ADCY8: variants seen among roughly 807,000 people sequenced by gnomAD.
ADCY8 encodes the protein adenylate cyclase type 8.
In ADCY8, 51 loss-of-function variants were observed where a neutral mutation model predicts 119.7. The observed-to-expected ratio is 0.43, with a 90% CI of 0.34 to 0.54. The LOEUF is 0.54. Ranked by LOEUF, ADCY8 falls within the 20% of genes least tolerant of loss-of-function variation. The probability of loss-of-function intolerance (pLI) is 0.03; values close to 1 mark genes in which losing one functional copy is unlikely to be tolerated. For missense variants in ADCY8, 1,383 were observed against 1,598.8 expected (o/e 0.87, Z 2.30); for synonymous variants, 665 against 651.0 (o/e 1.02, Z -0.33).
At chr8:130,934,269 A>G (rs1442721799) in intron 5 of ADCY8, among the ~76,000 whole-genome samples, 1 of 152,242 alleles carries the variant, frequency 6.6e-6, no homozygotes, top group African/African-American at 2.4e-5. Context: ...AAGTAGTTCC[A>G]CGGGCTGTAC....
chr8:130,895,051 A>C (rs1220024918), intron 7 of ADCY8, among the ~76,000 whole-genome samples: 1 of 152,190 alleles, frequency 6.6e-6, no homozygotes, highest in Non-Finnish European at 1.5e-5. Flanking sequence ...AGTGAACACC[A>C]AGAATGATAG....
chr8:130,865,218 A>C (rs912176297), intron 9 of ADCY8, among the ~76,000 whole-genome samples: 1 of 152,006 alleles, frequency 6.6e-6, no homozygotes, highest in East Asian at 1.9e-4. Flanking sequence ...TCAATCTTTT[A>C]AATTTTCTTT....
chr8:130,828,509 C>T (rs767640627), intron 12 of ADCY8, among the ~76,000 whole-genome samples: 48 of 152,136 alleles, frequency 3.2e-4, no homozygotes, highest in Non-Finnish European at 3.1e-4. Flanking sequence ...GACTGGAAAC[C>T]GCATGGTGTT....
chr8:130,952,571 G>A (rs1287803313), intron 2 of ADCY8, among the ~76,000 whole-genome samples: 2 of 152,214 alleles, frequency 1.3e-5, no homozygotes, highest in Non-Finnish European at 2.9e-5. Context: ...GATCTTGCAG[G>A]TGAGCATACA....
intron 1 of ADCY8, among the ~76,000 whole-genome samples, chr8:131,001,506 G>T (rs1245923961): frequency 2.7e-5 from 4 of 150,846 alleles, no homozygotes; most frequent in African/African-American, 9.7e-5. Context: ...ATACAAGTGA[G>T]GTTAATACTA....
Position 130,893,119 on chromosome 8 carries a change from G to A in ADCY8, c.1912-8358C>T, listed in dbSNP as rs1819245348. Among the ~76,000 whole-genome samples, 4 of 152,274 alleles carry A rather than the reference G, an allele frequency of 2.6e-5. No individual in the cohort carries two copies. In the South Asian group the frequency reaches 8.3e-4, roughly 32 times the overall value. ...CAAAAAATGTTGTTAAACTTCTGCA[G>A]AATTGGCGGAAACAGAACTTGGCAC... On this transcript the variant is annotated intron_variant, in intron 7 of 17. Coordinates refer to ENST00000286355, the MANE Select transcript of ADCY8 (RefSeq NM_001115.3).
At chr8:130,791,491 G>A (rs1815424763) in intron 15 of ADCY8, among the ~76,000 whole-genome samples, 1 of 152,270 alleles carries the variant, frequency 6.6e-6, no homozygotes. Context: ...TAAAGGCAAA[G>A]GACTAGCTCT....
chr8:130,997,913 G>A (rs779394125), intron 1 of ADCY8, among the ~76,000 whole-genome samples: 2 of 152,124 alleles, frequency 1.3e-5, no homozygotes, highest in Non-Finnish European at 2.9e-5. Flanking sequence ...GAGTTGATGT[G>A]CTAGGTGTGA....
At chr8:130,803,140 C>A (rs1285230010) in intron 14 of ADCY8, among the ~76,000 whole-genome samples, 2 of 152,214 alleles carry the variant, frequency 1.3e-5, no homozygotes, top group Non-Finnish European at 2.9e-5. Flanking sequence ...GACACAAACC[C>A]TGTTCTATTT....
chr8:130,978,797 A>G (rs372602565), intron 2 of ADCY8, among the ~76,000 whole-genome samples: 4 of 152,362 alleles, frequency 2.6e-5, no homozygotes, highest in East Asian at 3.9e-4. Context: ...TAATGCAGTA[A>G]CCTAATTAGA....
intron 1 of ADCY8, among the ~76,000 whole-genome samples, chr8:131,037,513 G>C (rs1362977627): frequency 6.6e-6 from 1 of 152,126 alleles, no homozygotes; most frequent in Admixed American, 6.5e-5. Flanking sequence ...AAGTTTTCTA[G>C]TTGTGTGTAC....
chr8:130,785,811 G>T (rs1308631946), intron 15 of ADCY8, among the ~76,000 whole-genome samples: 2 of 152,172 alleles, frequency 1.3e-5, no homozygotes, highest in Admixed American at 6.5e-5. Flanking sequence ...ACTGTGACTT[G>T]CAAGGCTTGC....
chr8:131,039,966 C>T lies in ADCY8; in HGVS notation c.368G>A (p.Gly123Asp), dbSNP rs1191952732. Residue 123 changes from glycine to aspartate, a missense_variant, in exon 1 of 18, where the codon GGC becomes GAC. Gly to Asp is a moderately conservative substitution (Grantham distance 94). Around this residue, in one of 2 missense-constraint regions of ADCY8, gnomAD observed 455 missense variants for 435.3 expected, o/e 1.05. Coordinates refer to ENST00000286355, the MANE Select transcript of ADCY8 (RefSeq NM_001115.3). Reference protein sequence around the residue: ...SGSGSASGSGGGGDLGFLHLD... With the variant: ...SGSGSASGSGDGGDLGFLHLD... ...GTGCAGGAAGCCCAGGTCGCCCCCG[C>T]CTCCGCTGCCGCTGGCACTGCCGCT... The T allele has an allele frequency of 2.5e-6, 4 of 1,584,910 alleles. No homozygotes were observed. Among genetic ancestry groups the T allele is most frequent in the South Asian group, 2.3e-5 (2 of 88,268 alleles).
At chr8:131,033,355 A>G (rs1269165706) in intron 1 of ADCY8, among the ~76,000 whole-genome samples, 1 of 152,150 alleles carries the variant, frequency 6.6e-6, no homozygotes, top group Non-Finnish European at 1.5e-5. Flanking sequence ...TTTTAAAAAT[A>G]TTTCATTTTT....
chr8:130,995,090 C>A (rs1822731673), intron 1 of ADCY8, among the ~76,000 whole-genome samples: 1 of 152,154 alleles, frequency 6.6e-6, no homozygotes, highest in African/African-American at 2.4e-5. Flanking sequence ...ATGTGTGAAT[C>A]TGGCAATATC....
rs764356677 is a variant in ADCY8 at position 130,866,662 on chromosome 8, G to A, written c.2210+1184C>T. 4.7e-4 allele frequency among the ~76,000 whole-genome samples: 71 copies of A among 152,136 alleles called. 1 individual carries two copies. The highest frequency in any genetic ancestry group is 4.1e-3 in the Admixed American group (63 of 15,264). ...TTCTGCAAATTTTTCCTTGAGTCAT[G>A]TGGTCAGAATGAATCACTAATTTTG... On this transcript the variant is annotated intron_variant, in intron 9 of 17. Coordinates refer to ENST00000286355, the MANE Select transcript of ADCY8 (RefSeq NM_001115.3).
chr8:130,907,529 T>G (rs1819827991), intron 6 of ADCY8, among the ~76,000 whole-genome samples: 1 of 152,126 alleles, frequency 6.6e-6, no homozygotes, highest in Non-Finnish European at 1.5e-5. Flanking sequence ...AACTACATTT[T>G]TAAGGCGGAT....
intron 1 of ADCY8, among the ~76,000 whole-genome samples, chr8:130,996,604 T>C (rs1822783857): frequency 6.6e-6 from 1 of 152,124 alleles, no homozygotes; most frequent in South Asian, 2.1e-4. Flanking sequence ...AAAGAAAATT[T>C]TCCCAAAAAA....
At chr8:130,881,219 TGA>T (rs1818758863) in intron 8 of ADCY8, among the ~76,000 whole-genome samples, 1 of 152,172 alleles carries the variant, frequency 6.6e-6, no homozygotes, top group Non-Finnish European at 1.5e-5. Context: ...CTTCTTAAAC[TGA>T]GTCTTTATTC....
Sources: allele counts gnomAD v4.1 joint callset (sites outside exome capture counted in the v4.1 genomes callset), GRCh38; gene constraint gnomAD v4.1.1; regional missense constraint gnomAD v4.1.1; transcripts MANE v1.5; gene names NCBI Gene and HGNC (gene_info 2026-07-23, HGNC 2026-07-21).